Variants in WNT7A observed in about 807,000 individuals in gnomAD.
WNT7A encodes Wnt family member 7A, also known as protein Wnt-7a.
WNT7A carries 16 observed loss-of-function variants against 28.2 expected under a neutral mutation model. That is an observed-to-expected ratio of 0.57 (90% CI 0.38 to 0.86). The LOEUF (loss-of-function observed/expected upper bound fraction) is 0.86, where lower values mean the gene tolerates loss of function less well. Ranked by LOEUF, WNT7A falls within the 40% of genes least tolerant of loss-of-function variation. WNT7A has a pLI of 0.00. For missense variants in WNT7A, 411 were observed against 489.7 expected (o/e 0.84, Z 1.52); for synonymous variants, 190 against 195.9 (o/e 0.97, Z 0.25).
chr3:13,827,372 G>A (rs961045980), intron 3 of WNT7A, among the ~76,000 whole-genome samples: 1 of 152,180 alleles, frequency 6.6e-6, no homozygotes, highest in Non-Finnish European at 1.5e-5. Flanking sequence ...TGGAGCAGCA[G>A]GAAGGATTTT....
At chr3:13,841,863 T>C (rs9863149) in intron 3 of WNT7A, among the ~76,000 whole-genome samples, 52,367 of 151,812 alleles carry the variant, frequency 0.34, 9,407 homozygotes, top group South Asian at 0.45. Flanking sequence ...GACTGGAGGG[T>C]GAGTTCAAAT....
intron 1 of WNT7A, among the ~76,000 whole-genome samples, chr3:13,876,695 A>G (rs1453434318): frequency 2.0e-5 from 3 of 151,956 alleles, no homozygotes; most frequent in Non-Finnish European, 4.4e-5. Context: ...GGCTCCTGCC[A>G]CGTGCCAGCC....
intron 3 of WNT7A, among the ~76,000 whole-genome samples, chr3:13,846,272 G>A (rs1170393568): frequency 2.6e-5 from 4 of 152,250 alleles, no homozygotes; most frequent in Non-Finnish European, 5.9e-5. Flanking sequence ...CAGAGCATCT[G>A]TGAATCTTAG....
At chr3:13,876,778 G>T (rs1295327810) in intron 1 of WNT7A, among the ~76,000 whole-genome samples, 1 of 152,042 alleles carries the variant, frequency 6.6e-6, no homozygotes, top group African/African-American at 2.4e-5. Context: ...ATCTTCACAA[G>T]CTTGGCTTCT....
chr3:13,854,824 G>C (rs773652334), intron 2 of WNT7A, 21 bp from the exon 3 acceptor site: 3 of 1,610,518 alleles, frequency 1.9e-6, no homozygotes, highest in Non-Finnish European at 2.5e-6. Flanking sequence ...GAGAGAAGAG[G>C]AGACAAGTTG....
At chr3:13,854,492 C>G in intron 3 of WNT7A, 40 bp downstream of exon 3, 1 of 1,613,354 alleles carries the variant, frequency 6.2e-7, no homozygotes, top group Non-Finnish European at 8.5e-7. Context: ...TTTGCAGCAT[C>G]TCCGCGAGCG....
chr3:13,818,831 C>T lies in WNT7A; in HGVS notation c.*113G>A, dbSNP rs1694061064. The T allele has an allele frequency of 1.5e-5, 21 of 1,435,188 alleles. No individual in the cohort carries two copies. Among genetic ancestry groups the T allele is most frequent in the Middle Eastern group, 5.1e-4 (2 of 3,898 alleles). The allele number at this position is 1,435,188 out of a possible 1,614,324, so 88.9% of individuals were successfully genotyped here. On this transcript the variant is annotated 3_prime_UTR_variant, in exon 4 of 4. Transcript: ENST00000285018. ...CTGCAGGAAACCCAGGAAAAGTACCCTCCTCAGCAGAAAAGACAAGCTCAG... is the reference window on the plus strand; with the variant it reads ...CTGCAGGAAACCCAGGAAAAGTACCTTCCTCAGCAGAAAAGACAAGCTCAG...
intron 2 of WNT7A, among the ~76,000 whole-genome samples, chr3:13,862,947 C>T (rs1372528355): frequency 6.6e-6 from 1 of 152,180 alleles, no homozygotes; most frequent in Non-Finnish European, 1.5e-5. Flanking sequence ...AAAACAGAGC[C>T]CTGGAGGTGG....
chr3:13,847,295 C>T (rs1258877175), intron 3 of WNT7A, among the ~76,000 whole-genome samples: 1 of 152,206 alleles, frequency 6.6e-6, no homozygotes, highest in Non-Finnish European at 1.5e-5. Context: ...CCACCATGGA[C>T]CTCCTGGTCC....
intron 2 of WNT7A, among the ~76,000 whole-genome samples, chr3:13,874,374 A>G (rs1007719028): frequency 6.6e-6 from 1 of 152,138 alleles, no homozygotes; most frequent in Non-Finnish European, 1.5e-5. Context: ...GTGTGTATGT[A>G]TGTGTCTGCA....
intron 1 of WNT7A, 95 bp from the exon 2 acceptor site, chr3:13,875,268 GC>G: frequency 2.3e-6 from 3 of 1,308,586 alleles, no homozygotes; most frequent in Non-Finnish European, 2.2e-6. Flanking sequence ...CCACCCCACT[GC>G]CCCCAGCAGT....
chr3:13,847,926 C>T (rs1559300462), intron 3 of WNT7A, among the ~76,000 whole-genome samples: 1 of 152,114 alleles, frequency 6.6e-6, no homozygotes, highest in Non-Finnish European at 1.5e-5. Context: ...GTGCTTGATG[C>T]CACTGGGGTG....
intron 3 of WNT7A, among the ~76,000 whole-genome samples, chr3:13,829,005 C>T (rs1694238741): frequency 6.6e-6 from 1 of 152,176 alleles, no homozygotes; most frequent in Admixed American, 6.5e-5. Flanking sequence ...TTGCTGCTGG[C>T]CTACCTCTGA....
chr3:13,832,826 G>A (rs1694303392), intron 3 of WNT7A, among the ~76,000 whole-genome samples: 1 of 152,148 alleles, frequency 6.6e-6, no homozygotes, highest in African/African-American at 2.4e-5. Context: ...GGTACAGGAA[G>A]AGAGGTTTCC....
chr3:13,872,859 T>C (rs1367407232), intron 2 of WNT7A, among the ~76,000 whole-genome samples: 1 of 152,196 alleles, frequency 6.6e-6, no homozygotes, highest in Non-Finnish European at 1.5e-5. Flanking sequence ...TATACGGGAA[T>C]GAACCCAGTC....
At chr3:13,872,986 C>G (rs1041935777) in intron 2 of WNT7A, among the ~76,000 whole-genome samples, 2 of 150,292 alleles carry the variant, frequency 1.3e-5, no homozygotes, top group African/African-American at 2.4e-5. Flanking sequence ...AATGCTGGAG[C>G]CCATGCCTGG....
chr3:13,842,137 T>A (rs955961567), intron 3 of WNT7A, among the ~76,000 whole-genome samples: 1 of 151,854 alleles, frequency 6.6e-6, no homozygotes, highest in African/African-American at 2.4e-5. Context: ...CTGGGTGAGA[T>A]GGGAGCCATG....
intron 3 of WNT7A, among the ~76,000 whole-genome samples, chr3:13,821,921 T>C (rs1694116716): frequency 6.6e-6 from 1 of 152,238 alleles, no homozygotes; most frequent in Admixed American, 6.5e-5. Flanking sequence ...TGTGTACTTT[T>C]TTCACATAAG....
intron 3 of WNT7A, among the ~76,000 whole-genome samples, chr3:13,849,389 T>A (rs992051039): frequency 3.9e-5 from 6 of 152,238 alleles, no homozygotes; most frequent in Non-Finnish European, 5.9e-5. Flanking sequence ...TTGGACGTAC[T>A]TTTGTTTATC....
Sources: allele counts gnomAD v4.1 joint callset (sites outside exome capture counted in the v4.1 genomes callset), GRCh38; gene constraint gnomAD v4.1.1; transcripts MANE v1.5; gene names NCBI Gene and HGNC (gene_info 2026-07-23, HGNC 2026-07-21).